Variants in ACAP1 observed in about 807,000 individuals in gnomAD.
The protein encoded by ACAP1 is arf-GAP with coiled-coil, ANK repeat and PH domain-containing protein 1.
ACAP1 carries 45 observed loss-of-function variants against 98.8 expected under a neutral mutation model. The ratio of observed to expected loss-of-function variants is 0.46; its 90% CI spans 0.36 to 0.58. ACAP1 has a LOEUF of 0.58. ACAP1 is among the 20% of genes least tolerant of loss of function. The pLI, the probability that ACAP1 is intolerant of heterozygous loss-of-function variation, is 0.00. For missense variants in ACAP1, 735 were observed against 971.4 expected, an observed-to-expected ratio of 0.76 and a Z score of 3.24; for synonymous variants, 362 against 375.3, an observed-to-expected ratio of 0.96 and a Z score of 0.41.
chr17:7,347,654 G>A, intron 14 of ACAP1: 1 of 573,034 alleles, frequency 1.7e-6, no homozygotes, highest in South Asian at 2.1e-5. Flanking sequence ...AGTGTCACAA[G>A]TGTCACTAGA....
At position 7,337,400 on chromosome 17, in the gene ACAP1, G is replaced by C. The variant is rs199990916; in HGVS notation, c.111+31G>C. ...CCTGACATGGAGAGGTGACCCAGGA[G>C]TGGATTAGGTTGAGAGGGGTAGGGC... is the stretch of plus-strand genomic sequence containing the variant. On this transcript the variant is annotated intron_variant, in intron 2 of 21. Coordinates refer to ENST00000158762, the MANE Select transcript of ACAP1 (RefSeq NM_014716.4). 1.1e-4 allele frequency: 175 copies of C among 1,605,548 alleles called. 2 individuals are homozygous for C. The highest frequency in any genetic ancestry group is 6.3e-4 in the South Asian group (57 of 90,922).
intron 3 of ACAP1, 100 bp downstream of exon 3, chr17:7,342,167 C>A (rs922104093): frequency 8.7e-6 from 14 of 1,606,848 alleles, no homozygotes; most frequent in Middle Eastern, 2.0e-4. Flanking sequence ...TTCCAGGCCA[C>A]AGCAGGGCTG....
At chr17:7,342,542 G>A (rs941647660) in intron 5 of ACAP1, 68 bp downstream of exon 5, 1 of 1,541,896 alleles carries the variant, frequency 6.5e-7, no homozygotes, top group Non-Finnish European at 8.9e-7. Context: ...AAGGCGGGAG[G>A]ATTGCTTGAG....
Position 7,344,432 on chromosome 17 carries a change from A to T in ACAP1, c.745-107A>T, listed in dbSNP as rs1014725439. ...TCTCTAAAAATAAATTTTAAAAAGT[A>T]TTTCAAAAAGCAGAAAGTAAGGGCT... On this transcript the variant is annotated intron_variant, in intron 9 of 21. Transcript: ENST00000158762. The surrounding 1 kb of genome is among the most constrained non-coding windows in gnomAD (Gnocchi z 4.9). 1 of 836,864 alleles carries T rather than the reference A, an allele frequency of 1.2e-6. No individual in the cohort carries two copies. The highest frequency in any genetic ancestry group is 1.7e-5 in the African/African-American group (1 of 57,836). The allele number at this position is 836,864 out of a possible 1,614,324, so 51.8% of individuals were successfully genotyped here. A position where few individuals can be genotyped will look rare whatever the true frequency, so the allele number is the denominator to read the frequency against.
In ACAP1 at chr17:7,350,611, CTT is replaced by C. The variant is rs35927903; in HGVS notation, c.2073-325_2073-324del. The C allele has an allele frequency of 0.052, 13,731 of 261,574 alleles. No individual in the cohort carries two copies. Among genetic ancestry groups the C allele is most frequent in the Non-Finnish European group, 0.067 (9,184 of 137,712 alleles). The allele number at this position is 261,574 out of a possible 1,614,324, so 16.2% of individuals were successfully genotyped here. ...AAGTTGTGGGGGAGGTGAGGATAGT[CTT>C]TTTTTTTTTTTTTGAGACGGAGTCT... On this transcript the variant is annotated intron_variant, in intron 20 of 21. Coordinates refer to ENST00000158762, the MANE Select transcript of ACAP1 (RefSeq NM_014716.4). This position sits in a 1 kb window ranked among gnomAD's most constrained non-coding sequence, Gnocchi z 4.6.
At chr17:7,351,139 AG>A in intron 21 of ACAP1, 140 bp downstream of exon 21, 1 of 1,123,592 alleles carries the variant, frequency 8.9e-7, no homozygotes, top group Non-Finnish European at 1.3e-6. Context: ...GCGACGTGCC[AG>A]GCCCTGGCAA....
At position 7,344,319 on chromosome 17, in the gene ACAP1, G is replaced by A. The variant is rs953183306; in HGVS notation, c.744+196G>A. Among the ~76,000 whole-genome samples, 6 of 152,222 alleles carry A rather than the reference G, an allele frequency of 3.9e-5. No individual in the cohort carries two copies. Among genetic ancestry groups the A allele is most frequent in the Admixed American group, 2.0e-4 (3 of 15,280 alleles). On this transcript the variant is annotated intron_variant, in intron 9 of 21. Transcript: ENST00000158762. The surrounding 1 kb of genome is among the most constrained non-coding windows in gnomAD (Gnocchi z 4.9). ...CTAGCTACTCAGGAGGCTGAGGTGGGAGGATTGCTTGAGCCCAGGAGTTCA... is the reference window on the plus strand; with the variant it reads ...CTAGCTACTCAGGAGGCTGAGGTGGAAGGATTGCTTGAGCCCAGGAGTTCA...
At chr17:7,346,981 C>A in intron 13 of ACAP1, 50 bp downstream of exon 13, 2 of 1,585,750 alleles carry the variant, frequency 1.3e-6, no homozygotes, top group South Asian at 2.3e-5. Flanking sequence ...AGATGGGGCA[C>A]CCTTTACCCT....
rs766948291 is a variant in ACAP1 at position 7,351,434 on chromosome 17, G to T, written c.*39G>T. The T allele has an allele frequency of 6.8e-7, 1 of 1,464,574 alleles. No homozygotes were observed. The highest frequency in any genetic ancestry group is 1.2e-5 in the South Asian group (1 of 85,214). The allele number at this position is 1,464,574 out of a possible 1,614,324, so 90.7% of individuals were successfully genotyped here. A position where few individuals can be genotyped will look rare whatever the true frequency, so the allele number is the denominator to read the frequency against. On this transcript the variant is annotated 3_prime_UTR_variant, in exon 22 of 22. Transcript: ENST00000158762. ...GGGCCCGCGCCTGCCTCCCTTCCCC[G>T]CCACCGGGCCCTCTGCCATTAAAGC...
intron 2 of ACAP1, among the ~76,000 whole-genome samples, chr17:7,337,845 C>A (rs1433568927): frequency 6.6e-6 from 1 of 151,584 alleles, no homozygotes; most frequent in African/African-American, 2.4e-5. Context: ...CAGAGCGAGA[C>A]TCTGTGTCAA....
chr17:7,350,736 G>A lies in ACAP1; in HGVS notation c.2073-214G>A. On this transcript the variant is annotated intron_variant, in intron 20 of 21. Coordinates refer to ENST00000158762, the MANE Select transcript of ACAP1 (RefSeq NM_014716.4). This position sits in a 1 kb window ranked among gnomAD's most constrained non-coding sequence, Gnocchi z 4.6. ...CGATTCTCCTGTCTCAGCCTCCCCT[G>A]AGTAGCTGGGACTACAGGCGTGCGC... The A allele has an allele frequency of 3.9e-6, 2 of 519,428 alleles. No homozygotes were observed. Among genetic ancestry groups the A allele is most frequent in the Non-Finnish European group, 7.0e-6 (2 of 287,544 alleles). The allele number at this position is 519,428 out of a possible 1,614,324, so 32.2% of individuals were successfully genotyped here.
intron 2 of ACAP1, among the ~76,000 whole-genome samples, chr17:7,338,747 A>G (rs773087760): frequency 1.7e-4 from 26 of 149,428 alleles, no homozygotes; most frequent in Non-Finnish European, 3.1e-4. Flanking sequence ...GGGTCTCCCT[A>G]TGTTACCTAG....
rs747250519 is a variant in ACAP1 at position 7,347,130 on chromosome 17, G to A, written c.1231G>A (p.Val411Ile). 1.9e-6 allele frequency: 3 copies of A among 1,614,040 alleles called. No individual in the cohort carries two copies. The highest frequency in any genetic ancestry group is 2.5e-6 in the Non-Finnish European group (3 of 1,179,954). ...PGGVGHVVAQ[V>I]QSVDGNAQCC... The stretch of plus-strand genomic sequence containing the variant: ...GGGAGTCGGGCACGTGGTGGCCCAG[G>A]TCCAGAGTGTGGATGGCAATGCCCA... Residue 411 changes from valine to isoleucine, a missense_variant, in exon 14 of 22, where the codon GTC becomes ATC. Val to Ile is a conservative substitution (Grantham distance 29). Transcript: ENST00000158762.
chr17:7,340,947 T>C (rs994126833), intron 2 of ACAP1, among the ~76,000 whole-genome samples: 4 of 152,034 alleles, frequency 2.6e-5, no homozygotes, highest in Admixed American at 6.6e-5. Context: ...TCCCAAAGTG[T>C]TGAGATTACA....
At position 7,351,288 on chromosome 17, in the gene ACAP1, C is replaced by A; in HGVS notation, c.2123-7C>A. On this transcript the variant is annotated splice_region_variant and splice_polypyrimidine_tract_variant and intron_variant, in intron 21 of 21. Transcript: ENST00000158762. Reference sequence around the variant, plus strand: ...AGCCGCCTCCCGGCCTTTCCTCCCTCCCCCAGGAGATGAGACGTATCTTGA... The same window carrying A: ...AGCCGCCTCCCGGCCTTTCCTCCCTACCCCAGGAGATGAGACGTATCTTGA... 1 of 1,609,952 alleles carries A rather than the reference C, an allele frequency of 6.2e-7. No individual in the cohort carries two copies. The highest frequency in any genetic ancestry group is 8.5e-7 in the Non-Finnish European group (1 of 1,177,060).
chr17:7,338,105 C>G (rs1032679826), intron 2 of ACAP1, among the ~76,000 whole-genome samples: 9 of 152,162 alleles, frequency 5.9e-5, no homozygotes, highest in African/African-American at 1.9e-4. Flanking sequence ...CTTTACTTTT[C>G]TCTGCAACAT....
rs1445376804 is a variant in ACAP1, at chr17:7,350,643, C to G, written c.2073-307C>G. On this transcript the variant is annotated intron_variant, in intron 20 of 21. Coordinates refer to ENST00000158762, the MANE Select transcript of ACAP1 (RefSeq NM_014716.4). The surrounding 1 kb of genome is among the most constrained non-coding windows in gnomAD (Gnocchi z 4.6). ...TTTTTTTTTGAGACGGAGTCTCACT[C>G]TGTCGCCCAGGCTAGAGTGCAGGGG... 2 of 386,104 alleles carry G rather than the reference C, an allele frequency of 5.2e-6. No individual in the cohort carries two copies. Among genetic ancestry groups the G allele is most frequent in the Non-Finnish European group, 9.4e-6 (2 of 212,978 alleles). The allele number at this position is 386,104 out of a possible 1,614,324, so 23.9% of individuals were successfully genotyped here. A position where few individuals can be genotyped will look rare whatever the true frequency, so the allele number is the denominator to read the frequency against.
chr17:7,351,329 C>T lies in ACAP1; in HGVS notation c.2157C>T (p.Phe719=), dbSNP rs898956075. The part of the protein sequence containing the change: ...DETYLDIFRD[F]SLMASDDPEK... ...CGTATCTTGACATCTTCCGCGACTT[C>T]TCCCTCATGGCGTCAGACGACCCGG... Residue 719 remains phenylalanine, a synonymous_variant, in exon 22 of 22, where the codon TTC becomes TTT. Transcript: ENST00000158762. 11 of 1,613,876 alleles carry T rather than the reference C, an allele frequency of 6.8e-6. No homozygotes were observed. The highest frequency in any genetic ancestry group is 9.3e-6 in the Non-Finnish European group (11 of 1,179,836).
chr17:7,342,689 C>T (rs952236175), intron 5 of ACAP1: 56 of 600,510 alleles, frequency 9.3e-5, no homozygotes, highest in African/African-American at 8.7e-4. Context: ...CACCTGAGGT[C>T]GGGAGTTCGA....
Sources: gnomAD v4.1 joint callset for allele counts (sites outside exome capture counted in the v4.1 genomes callset) on GRCh38, gnomAD v4.1.1 for gene constraint, Gnocchi (gnomAD v3.1) non-coding constraint, MANE v1.5 for transcripts, NCBI Gene and HGNC (gene_info 2026-07-23, HGNC 2026-07-21) for gene names.